EEA1: variants seen among roughly 807,000 people sequenced by gnomAD.
EEA1 encodes early endosome antigen 1, 162kD.
A neutral mutation model predicts 209.2 loss-of-function variants in EEA1; 111 were observed. That is an observed-to-expected ratio of 0.53 (90% CI 0.45 to 0.62). The LOEUF (loss-of-function observed/expected upper bound fraction) is 0.62. Ranked by LOEUF, EEA1 falls within the 20% of genes least tolerant of loss-of-function variation. EEA1 has a pLI of 0.00. For missense variants in EEA1, 1,343 were observed against 1,530.8 expected (o/e 0.88, Z 2.05); for synonymous variants, 536 against 540.6 (o/e 0.99, Z 0.12).
At chr12:92,921,705 T>C (rs1312416283) in intron 1 of EEA1, among the ~76,000 whole-genome samples, 1 of 130,132 alleles carries the variant, frequency 7.7e-6, no homozygotes, top group Admixed American at 8.2e-5. Context: ...CATATGTAAC[T>C]AACCTGCACA....
intron 1 of EEA1, among the ~76,000 whole-genome samples, chr12:92,902,712 G>C (rs1278040803): frequency 7.0e-6 from 1 of 143,480 alleles, no homozygotes; most frequent in Non-Finnish European, 1.5e-5. Flanking sequence ...CTGCACTCCA[G>C]CCTGGGCAAC....
chr12:92,798,934 A>T lies in EEA1; in HGVS notation c.2925T>A (p.Ile975=), dbSNP rs773102714. ...KQSSEQKKKQ[I]EALQGELKIA... ...TTTTAAGCTCTCCTTGGAGTGCTTCAATTTGTTTTTTCTTCTGTTCACTTG... is the reference window on the plus strand; with the variant it reads ...TTTTAAGCTCTCCTTGGAGTGCTTCTATTTGTTTTTTCTTCTGTTCACTTG... The change falls in exon 21 of 29, where the codon ATT becomes ATA. Residue 975 remains isoleucine, a synonymous_variant. Coordinates refer to ENST00000322349, the MANE Select transcript of EEA1 (RefSeq NM_003566.4). The T allele has an allele frequency of 1.2e-6, 2 of 1,611,126 alleles. No individual in the cohort carries two copies. Among genetic ancestry groups the T allele is most frequent in the Non-Finnish European group, 8.5e-7 (1 of 1,179,210 alleles).
In EEA1 at chr12:92,913,440, T is replaced by TAGATTC. The variant is rs538987080; in HGVS notation, c.24+15602_24+15603insGAATCT. ...GTAGATTCCGGATGTTAGTCCTTTGTCAGATGAATAGTTTGCAAGCATTTT... is the reference window on the plus strand; with the variant it reads ...GTAGATTCCGGATGTTAGTCCTTTGTAGATTCCAGATGAATAGTTTGCAAGCATTTT... On this transcript the variant is annotated intron_variant, in intron 1 of 28. Transcript: ENST00000322349. Among the ~76,000 whole-genome samples the TAGATTC allele has an allele frequency of 1.2e-4, 19 of 152,354 alleles. No homozygotes were observed. The South Asian group carries it at 3.9e-3, about 32-fold the overall frequency.
chr12:92,821,687 A>G (rs1408224350), intron 13 of EEA1, among the ~76,000 whole-genome samples: 1 of 152,046 alleles, frequency 6.6e-6, no homozygotes, highest in Admixed American at 6.6e-5. Context: ...AAAAGATTCC[A>G]TATTATCTCT....
chr12:92,824,171 G>A (rs1435918960), intron 13 of EEA1, among the ~76,000 whole-genome samples: 1 of 152,120 alleles, frequency 6.6e-6, no homozygotes, highest in African/African-American at 2.4e-5. Flanking sequence ...AATCCTTGGA[G>A]TCACCCTTGA....
At chr12:92,877,794 C>T (rs369614840) in intron 2 of EEA1, among the ~76,000 whole-genome samples, 6 of 152,270 alleles carry the variant, frequency 3.9e-5, no homozygotes, top group South Asian at 2.1e-4. Flanking sequence ...TGAGCCACCA[C>T]GCCTGGCCTA....
At chr12:92,776,818 A>G (rs540907552) in intron 28 of EEA1, 26 bp downstream of exon 28, 1 of 1,585,654 alleles carries the variant, frequency 6.3e-7, no homozygotes, top group South Asian at 1.1e-5. Flanking sequence ...ATCCAGAAAC[A>G]TAGTTACATG....
chr12:92,818,422 G>A (rs534597723), intron 14 of EEA1, among the ~76,000 whole-genome samples: 34 of 152,068 alleles, frequency 2.2e-4, no homozygotes, highest in Non-Finnish European at 3.7e-4. Flanking sequence ...ACTTTTCTTG[G>A]TGTTTATGGT....
At chr12:92,859,785 C>T (rs1323493417) in intron 3 of EEA1, among the ~76,000 whole-genome samples, 1 of 152,216 alleles carries the variant, frequency 6.6e-6, no homozygotes, top group Non-Finnish European at 1.5e-5. Context: ...TAGCCTCTGC[C>T]TGGCAATGCC....
intron 9 of EEA1, among the ~76,000 whole-genome samples, chr12:92,844,806 G>A (rs891549602): frequency 3.3e-5 from 5 of 151,870 alleles, no homozygotes; most frequent in African/African-American, 1.2e-4. Context: ...ATAACGCACA[G>A]AAATAATAAC....
At position 92,770,789 on chromosome 12, in the gene EEA1, G is replaced by A. The variant is rs1396162772; in HGVS notation, c.*5222C>T. The stretch of plus-strand genomic sequence containing the variant: ...AGGTATATAGTACTCTAACGTGGAA[G>A]TAGAAAATCCCAAAGACTAAATTCC... On this transcript the variant is annotated 3_prime_UTR_variant, in exon 29 of 29. Transcript: ENST00000322349. 2.0e-5 allele frequency: 3 copies of A among 151,958 alleles called. No individual in the cohort carries two copies. Among genetic ancestry groups the A allele is most frequent in the African/African-American group, 7.2e-5 (3 of 41,384 alleles). The allele number at this position is 151,958 out of a possible 1,614,324, so 9.4% of individuals were successfully genotyped here.
At chr12:92,845,613 T>C (rs890198405) in intron 9 of EEA1, among the ~76,000 whole-genome samples, 2 of 152,170 alleles carry the variant, frequency 1.3e-5, no homozygotes, top group Admixed American at 6.5e-5. Context: ...CCATGAGATC[T>C]TCCCCGACAA....
chr12:92,917,289 T>A (rs1266153495), intron 1 of EEA1, among the ~76,000 whole-genome samples: 1 of 126,032 alleles, frequency 7.9e-6, no homozygotes, highest in Non-Finnish European at 1.7e-5. Context: ...AGACACATAA[T>A]TGTCAGATTC....
At chr12:92,856,156 C>T (rs1382400310) in intron 5 of EEA1, among the ~76,000 whole-genome samples, 6 of 152,176 alleles carry the variant, frequency 3.9e-5, no homozygotes. Context: ...TTATTAATTA[C>T]TTTACAAAAA....
intron 2 of EEA1, among the ~76,000 whole-genome samples, chr12:92,877,861 G>T (rs1444882873): frequency 6.6e-6 from 1 of 152,202 alleles, no homozygotes; most frequent in Non-Finnish European, 1.5e-5. Context: ...TATAGACCAT[G>T]ATAAGATATA....
intron 25 of EEA1, 39 bp downstream of exon 25, chr12:92,779,076 T>TCA: frequency 6.5e-7 from 1 of 1,541,998 alleles, no homozygotes; most frequent in Non-Finnish European, 8.7e-7. Flanking sequence ...GATTTAAAGC[T>TCA]CTACTGCAAA....
chr12:92,797,476 T>G (rs1874706940), intron 21 of EEA1, among the ~76,000 whole-genome samples: 2 of 152,282 alleles, frequency 1.3e-5, no homozygotes, highest in Non-Finnish European at 2.9e-5. Flanking sequence ...AGTTACAGAA[T>G]CTACAGATAT....
Position 92,832,546 on chromosome 12 carries a change from T to C in EEA1, c.1220A>G (p.Gln407Arg), listed in dbSNP as rs139668117. 1.4e-4 allele frequency: 231 copies of C among 1,613,418 alleles called. No homozygotes were observed. Among genetic ancestry groups the C allele is most frequent in the Non-Finnish European group, 1.8e-4 (210 of 1,179,886 alleles). Residue 407 changes from glutamine (Q) to arginine (R), a missense_variant, in exon 11 of 29, where the codon CAG becomes CGG. Gln to Arg is a conservative substitution (Grantham distance 43). Transcript: ENST00000322349. ...TTCACTTTGGAGTTGTAACCCATGC[T>C]GCTCCTTTTCTTCTCTCTGTTGTTG... ...QLQQQREEKE[Q>R]HGLQLQSEIN...
chr12:92,896,839 T>C (rs926651407), intron 1 of EEA1, among the ~76,000 whole-genome samples: 3 of 152,076 alleles, frequency 2.0e-5, no homozygotes, highest in African/African-American at 7.2e-5. Flanking sequence ...CCCTGGTCAG[T>C]CAGCAGCTAT....
Sources: gnomAD v4.1 joint callset for allele counts (sites outside exome capture counted in the v4.1 genomes callset) on GRCh38, gnomAD v4.1.1 for gene constraint, MANE v1.5 for transcripts, NCBI Gene and HGNC (gene_info 2026-07-23, HGNC 2026-07-21) for gene names.